GMDS: variants seen among roughly 807,000 people sequenced by gnomAD.
GMDS encodes GDP-mannose 4,6 dehydratase.
GMDS carries 20 observed loss-of-function variants against 49.9 expected under a neutral mutation model. That is an observed-to-expected ratio of 0.40 (90% CI 0.28 to 0.58). The LOEUF (loss-of-function observed/expected upper bound fraction) is 0.58, where lower values mean the gene tolerates loss of function less well. Ranked by LOEUF, GMDS falls within the 20% of genes least tolerant of loss-of-function variation. The pLI, the probability that GMDS is intolerant of heterozygous loss-of-function variation, is 0.42. For missense variants in GMDS, 362 were observed against 481.4 expected, an observed-to-expected ratio of 0.75 and a Z score of 2.32; for synonymous variants, 177 against 178.6, an observed-to-expected ratio of 0.99 and a Z score of 0.07.
Position 1,843,220 on chromosome 6 carries a change from C to T in GMDS, c.771+86883G>A, listed in dbSNP as rs543204100. Reference sequence around the variant, plus strand: ...AGTACAGATTATGAGGGTTATGAGCCGCTGACCAGTGAGCCAACATCACTG... The same window carrying T: ...AGTACAGATTATGAGGGTTATGAGCTGCTGACCAGTGAGCCAACATCACTG... On this transcript the variant is annotated intron_variant, in intron 7 of 10. Coordinates refer to ENST00000380815, the MANE Select transcript of GMDS (RefSeq NM_001500.4). Among the ~76,000 whole-genome samples, 19 of 152,248 alleles carry T rather than the reference C, an allele frequency of 1.2e-4. No homozygotes were observed. The East Asian group carries it at 2.7e-3, about 22-fold the overall frequency.
At position 2,054,233 on chromosome 6, in the gene GMDS, G is replaced by A. The variant is rs529894473; in HGVS notation, c.345+61538C>T. On this transcript the variant is annotated intron_variant, in intron 4 of 10. Coordinates refer to ENST00000380815, the MANE Select transcript of GMDS (RefSeq NM_001500.4). ...GTATTAAAAAGGAAGATATCCAGAA[G>A]AGTCCTCTCCAGAAGAAATTTTAAA... 2.5e-3 allele frequency among the ~76,000 whole-genome samples: 378 copies of A among 152,164 alleles called. 1 individual carries two copies. The highest frequency in any genetic ancestry group is 8.8e-3 in the African/African-American group (365 of 41,532).
At chr6:1,637,488 T>A (rs925238629) in intron 9 of GMDS, among the ~76,000 whole-genome samples, 1 of 152,224 alleles carries the variant, frequency 6.6e-6, no homozygotes, top group Non-Finnish European at 1.5e-5. Flanking sequence ...CAAGTCAGGC[T>A]CTCTGGGTGC....
chr6:2,013,953 T>TATATATATATATATATATATATATAA, intron 4 of GMDS, among the ~76,000 whole-genome samples: 1 of 94,810 alleles, frequency 1.1e-5, no homozygotes, highest in Non-Finnish European at 2.4e-5. Flanking sequence ...TATATATATA[T>TATATATATATATATATATATATATAA]ATATATGCAT....
At chr6:2,038,880 T>C (rs1384590237) in intron 4 of GMDS, among the ~76,000 whole-genome samples, 1 of 152,220 alleles carries the variant, frequency 6.6e-6, no homozygotes, top group Non-Finnish European at 1.5e-5. Context: ...ATGTTTTTCT[T>C]TGGGAATATG....
intron 4 of GMDS, among the ~76,000 whole-genome samples, chr6:2,036,515 C>G (rs943142184): frequency 2.6e-5 from 4 of 152,192 alleles, no homozygotes; most frequent in Non-Finnish European, 5.9e-5. Flanking sequence ...AGTACATCAA[C>G]TGTTCTAGGC....
intron 4 of GMDS, among the ~76,000 whole-genome samples, chr6:1,997,079 A>C (rs1766328642): frequency 6.6e-6 from 1 of 151,850 alleles, no homozygotes; most frequent in African/African-American, 2.4e-5. Flanking sequence ...CCTTCTACTC[A>C]ATGTGCTCTG....
intron 7 of GMDS, among the ~76,000 whole-genome samples, chr6:1,892,046 G>GA (rs1399464265): frequency 2.0e-5 from 3 of 151,950 alleles, no homozygotes; most frequent in African/African-American, 4.8e-5. Flanking sequence ...GTTCTCTTAA[G>GA]AAAAAAACTA....
intron 4 of GMDS, among the ~76,000 whole-genome samples, chr6:2,036,667 T>C (rs904354656): frequency 1.3e-5 from 2 of 152,214 alleles, no homozygotes; most frequent in African/African-American, 4.8e-5. Flanking sequence ...ATGATAATTC[T>C]CTTCCTATAA....
At chr6:2,012,505 A>T (rs6596867) in intron 4 of GMDS, among the ~76,000 whole-genome samples, 1 of 151,908 alleles carries the variant, frequency 6.6e-6, no homozygotes, top group African/African-American at 2.4e-5. Flanking sequence ...ATATAAAGAA[A>T]TTGGGTTTAC....
At chr6:2,240,601 CA>C (rs57052982) in intron 1 of GMDS, among the ~76,000 whole-genome samples, 18,099 of 83,982 alleles carry the variant, frequency 0.22, 1,098 homozygotes, top group African/African-American at 0.27. Context: ...AAGACTGTCT[CA>C]AAAAAAAAAA....
At chr6:2,067,256 T>C (rs1011211071) in intron 4 of GMDS, among the ~76,000 whole-genome samples, 35 of 152,156 alleles carry the variant, frequency 2.3e-4, no homozygotes, top group African/African-American at 7.0e-4. Context: ...CTGGGACGCA[T>C]GCAAAGCAGT....
At chr6:1,804,188 T>C (rs1252450605) in intron 7 of GMDS, among the ~76,000 whole-genome samples, 1 of 152,250 alleles carries the variant, frequency 6.6e-6, no homozygotes, top group East Asian at 1.9e-4. Context: ...AAATGCTTTA[T>C]GGTCAATTTG....
chr6:2,233,694 C>A (rs189712445), intron 1 of GMDS, among the ~76,000 whole-genome samples: 17 of 152,244 alleles, frequency 1.1e-4, no homozygotes, highest in African/African-American at 3.9e-4. Context: ...GTGGCAGGCA[C>A]CTGTAGTCCC....
chr6:2,237,608 G>C (rs981382727), intron 1 of GMDS, among the ~76,000 whole-genome samples: 6 of 144,546 alleles, frequency 4.2e-5, no homozygotes, highest in Non-Finnish European at 8.9e-5. Context: ...TGCAAGCTCT[G>C]CCTCCCGGGT....
intron 7 of GMDS, among the ~76,000 whole-genome samples, chr6:1,807,412 C>T (rs955917011): frequency 6.6e-6 from 1 of 152,110 alleles, no homozygotes; most frequent in African/African-American, 2.4e-5. Context: ...TGATAGGGAT[C>T]CCATGCTTAA....
intron 6 of GMDS, among the ~76,000 whole-genome samples, chr6:1,942,159 C>G (rs1281166974): frequency 2.6e-5 from 4 of 152,232 alleles, no homozygotes; most frequent in Non-Finnish European, 4.4e-5. Flanking sequence ...CAAGCTAACA[C>G]AACTTTCTGG....
rs73420710 is a variant in GMDS at position 2,166,696 on chromosome 6, C to T, written c.103-41965G>A. 2.9e-3 allele frequency among the ~76,000 whole-genome samples: 444 copies of T among 152,248 alleles called. 3 individuals are homozygous for T. The highest frequency in any genetic ancestry group is 0.01 in the African/African-American group (416 of 41,552). ...CAGAGTTAATAAGTATCAAGTCAGG[C>T]GCTATCTTACTCCAAAAGCATGCTC... On this transcript the variant is annotated intron_variant, in intron 1 of 10. Transcript: ENST00000380815.
chr6:1,723,160 T>C lies in GMDS; in HGVS notation c.987+3256A>G, dbSNP rs563442044. Among the ~76,000 whole-genome samples, 7 of 152,292 alleles carry C rather than the reference T, an allele frequency of 4.6e-5. No homozygotes were observed. In the South Asian group the frequency reaches 1.5e-3, roughly 32 times the overall value. On this transcript the variant is annotated intron_variant, in intron 9 of 10. Transcript: ENST00000380815. ...CCTCTATGGAACCACTGGTGGCCTCTTTCAAGCTAGTACCTGCCTTTGCTG... is the reference window on the plus strand; with the variant it reads ...CCTCTATGGAACCACTGGTGGCCTCCTTCAAGCTAGTACCTGCCTTTGCTG...
chr6:1,983,208 C>T (rs1244986420), intron 4 of GMDS, among the ~76,000 whole-genome samples: 1 of 152,124 alleles, frequency 6.6e-6, no homozygotes, highest in Non-Finnish European at 1.5e-5. Flanking sequence ...TCCTTCCTTA[C>T]ACCATATACA....
Sources: allele counts gnomAD v4.1 joint callset (sites outside exome capture counted in the v4.1 genomes callset), GRCh38; gene constraint gnomAD v4.1.1; transcripts MANE v1.5; gene names NCBI Gene and HGNC (gene_info 2026-07-23, HGNC 2026-07-21).